Variants in SMG6 observed in about 807,000 individuals in gnomAD.
The protein encoded by SMG6 is SMG6 nonsense mediated mRNA decay factor, also known as telomerase-binding protein EST1A.
A neutral mutation model predicts 142.2 loss-of-function variants in SMG6; 66 were observed. That is an observed-to-expected ratio of 0.46 (90% CI 0.38 to 0.57). The LOEUF (loss-of-function observed/expected upper bound fraction) is 0.57, where lower values mean the gene tolerates loss of function less well. Ranked by LOEUF, SMG6 falls within the 20% of genes least tolerant of loss-of-function variation. SMG6 has a pLI of 0.00. For missense variants in SMG6, 1,793 were observed against 1,832.0 expected (o/e 0.98, Z 0.39); for synonymous variants, 779 against 702.4 (o/e 1.11, Z -1.72).
chr17:2,146,009 G>C (rs987815530), intron 13 of SMG6, among the ~76,000 whole-genome samples: 3 of 152,026 alleles, frequency 2.0e-5, no homozygotes, highest in African/African-American at 7.3e-5. Context: ...AAAATCTTAA[G>C]GGACTCCTTT....
intron 18 of SMG6, among the ~76,000 whole-genome samples, chr17:2,064,139 G>A (rs1041540678): frequency 2.6e-5 from 4 of 152,076 alleles, no homozygotes; most frequent in African/African-American, 7.2e-5. Context: ...AAAGAAACAC[G>A]CACAGAAAGG....
intron 8 of SMG6, among the ~76,000 whole-genome samples, chr17:2,279,177 TAAGA>T (rs1321418564): frequency 6.6e-6 from 1 of 151,820 alleles, no homozygotes; most frequent in Non-Finnish European, 1.5e-5. Context: ...ACCTGAAGGG[TAAGA>T]AAGAAAGTGA....
intron 10 of SMG6, among the ~76,000 whole-genome samples, chr17:2,227,281 T>C (rs1357676035): frequency 6.6e-6 from 1 of 152,208 alleles, no homozygotes; most frequent in Non-Finnish European, 1.5e-5. Context: ...TAAATGTTCA[T>C]GGCAGCTTTA....
In SMG6 at chr17:2,172,648, T is replaced by C. The variant is rs747992115; in HGVS notation, c.3357+10A>G. ...GGCGAATGGGGAGGGATGTTTGGCCTGGGGCTGACCTTATCCGAGGTTTTC... is the reference window on the plus strand; with the variant it reads ...GGCGAATGGGGAGGGATGTTTGGCCCGGGGCTGACCTTATCCGAGGTTTTC... On this transcript the variant is annotated intron_variant, in intron 13 of 18. Coordinates refer to ENST00000263073, the MANE Select transcript of SMG6 (RefSeq NM_017575.5). 1.9e-6 allele frequency: 3 copies of C among 1,612,782 alleles called. No individual in the cohort carries two copies. The highest frequency in any genetic ancestry group is 2.5e-6 in the Non-Finnish European group (3 of 1,179,980).
intron 3 of SMG6, among the ~76,000 whole-genome samples, chr17:2,297,650 G>A (rs951321094): frequency 1.3e-5 from 2 of 151,936 alleles, no homozygotes; most frequent in Admixed American, 6.6e-5. Context: ...TTTAGGCCAA[G>A]GCATTCAGAA....
intron 13 of SMG6, among the ~76,000 whole-genome samples, chr17:2,154,557 T>C (rs1196259229): frequency 6.6e-6 from 1 of 152,192 alleles, no homozygotes; most frequent in Non-Finnish European, 1.5e-5. Flanking sequence ...GTATTCCTCC[T>C]CCCTTTACAT....
chr17:2,070,540 T>C (rs1389315512), intron 15 of SMG6, among the ~76,000 whole-genome samples: 1 of 151,928 alleles, frequency 6.6e-6, no homozygotes, highest in Non-Finnish European at 1.5e-5. Flanking sequence ...CAACAGTCAG[T>C]GAGGAGGCTG....
rs929097350 is a variant in SMG6, at chr17:2,091,884, G to A, written c.3358-5983C>T. Among the ~76,000 whole-genome samples the A allele has an allele frequency of 1.9e-4, 29 of 150,872 alleles. 1 individual carries two copies. Among genetic ancestry groups the A allele is most frequent in the Admixed American group, 7.9e-4 (12 of 15,156 alleles). ...TTTTTAGTAGAGACGAGGTTTCACC[G>A]TGTTAGCCAGGACGGTCTTGATCTC... On this transcript the variant is annotated intron_variant, in intron 13 of 18. Transcript: ENST00000263073.
At chr17:2,091,837 A>ATT (rs369117700) in intron 13 of SMG6, among the ~76,000 whole-genome samples, 31 of 94,168 alleles carry the variant, frequency 3.3e-4, no homozygotes, top group Middle Eastern at 0.011. Context: ...CGCCCAGCTA[A>ATT]TTTTGTGTGT....
intron 13 of SMG6, among the ~76,000 whole-genome samples, chr17:2,114,268 C>T (rs1482967220): frequency 1.3e-5 from 2 of 151,842 alleles, no homozygotes; most frequent in South Asian, 2.1e-4. Context: ...GGACTCCATC[C>T]CAAAACAAAA....
intron 4 of SMG6, among the ~76,000 whole-genome samples, chr17:2,295,338 C>T (rs1197177769): frequency 2.0e-5 from 3 of 152,092 alleles, no homozygotes; most frequent in Non-Finnish European, 4.4e-5. Flanking sequence ...ACTGGCCAGG[C>T]GTGGTACAGA....
intron 13 of SMG6, chr17:2,087,725 G>T (rs2068603766): frequency 1.0e-6 from 1 of 986,986 alleles, no homozygotes; most frequent in Non-Finnish European, 1.2e-6. Context: ...AGAAGCAGGG[G>T]CTAAAAGGCA....
intron 10 of SMG6, among the ~76,000 whole-genome samples, chr17:2,203,856 G>A (rs557647242): frequency 1.3e-5 from 2 of 152,342 alleles, no homozygotes; most frequent in East Asian, 3.8e-4. Context: ...AATGCCTGCA[G>A]ACACCCTGAT....
intron 13 of SMG6, among the ~76,000 whole-genome samples, chr17:2,094,178 C>A (rs918566618): frequency 6.6e-6 from 1 of 152,158 alleles, no homozygotes; most frequent in Admixed American, 6.5e-5. Context: ...CAGTGGGGTA[C>A]GGGCGGTGGC....
At chr17:2,275,700 A>T (rs1045490261) in intron 8 of SMG6, among the ~76,000 whole-genome samples, 1 of 152,212 alleles carries the variant, frequency 6.6e-6, no homozygotes, top group Non-Finnish European at 1.5e-5. Flanking sequence ...AGGGAGACGA[A>T]GAACAGCAGA....
intron 13 of SMG6, among the ~76,000 whole-genome samples, chr17:2,147,346 T>C (rs1017935304): frequency 1.3e-5 from 2 of 151,672 alleles, no homozygotes; most frequent in African/African-American, 4.8e-5. Flanking sequence ...TGAGCCAGGA[T>C]TGCACCACTG....
At chr17:2,222,776 G>GT (rs774920820) in intron 10 of SMG6, among the ~76,000 whole-genome samples, 63 of 152,236 alleles carry the variant, frequency 4.1e-4, no homozygotes, top group Admixed American at 1.3e-3. Context: ...TTAAAAAGAA[G>GT]TTTTATCCAC....
rs2075220150 is a variant in SMG6 at position 2,299,431 on chromosome 17, T to C, written c.1322A>G (p.Lys441Arg). Reference protein sequence around the residue: ...GPRLLFGSGSKGSRSWGRGGT... With the variant: ...GPRLLFGSGSRGSRSWGRGGT... Reference sequence around the variant, plus strand: ...TCCACGGCCCCAACTCCGAGATCCCTTACTACCAGATCCAAACAAAAGCCG... The same window carrying C: ...TCCACGGCCCCAACTCCGAGATCCCCTACTACCAGATCCAAACAAAAGCCG... The change falls in exon 2 of 19, where the codon AAG (lysine) becomes AGG (arginine). Residue 441 changes from lysine (K) to arginine (R), a missense_variant. Lys to Arg is a conservative substitution (Grantham distance 26). This residue lies in a region of SMG6 where 1,597 missense variants were observed against 1,584.6 expected (regional missense o/e 1.01). Coordinates refer to ENST00000263073, the MANE Select transcript of SMG6 (RefSeq NM_017575.5). This position sits in a 1 kb window ranked among gnomAD's most constrained non-coding sequence, Gnocchi z 4.3. The C allele has an allele frequency of 6.2e-7, 1 of 1,613,880 alleles. No homozygotes were observed. Among genetic ancestry groups the C allele is most frequent in the African/African-American group, 1.3e-5 (1 of 74,884 alleles).
intron 10 of SMG6, among the ~76,000 whole-genome samples, chr17:2,210,838 TTAAC>T (rs750236732): frequency 2.0e-5 from 3 of 151,560 alleles, no homozygotes; most frequent in Non-Finnish European, 2.9e-5. Context: ...CAAACCCTTG[TTAAC>T]TAACTGAGTG....
Sources: allele counts gnomAD v4.1 joint callset (sites outside exome capture counted in the v4.1 genomes callset), GRCh38; gene constraint gnomAD v4.1.1; regional missense constraint gnomAD v4.1.1; non-coding constraint Gnocchi (gnomAD v3.1); transcripts MANE v1.5; gene names NCBI Gene and HGNC (gene_info 2026-07-23, HGNC 2026-07-21).